Variants in DPYD observed in about 807,000 individuals in gnomAD.
The protein encoded by DPYD is dihydropyrimidine dehydrogenase [NADP(+)].
Under a neutral mutation model 116.2 loss-of-function variants are expected in DPYD, and 109 were observed. The ratio of observed to expected loss-of-function variants is 0.94; its 90% CI spans 0.80 to 1.10. The LOEUF (loss-of-function observed/expected upper bound fraction) is 1.10, where lower values mean the gene tolerates loss of function less well. Ranked by LOEUF, DPYD falls within the 50% of genes least tolerant of loss-of-function variation. The probability of loss-of-function intolerance (pLI) is 0.00; values close to 1 mark genes in which losing one functional copy is unlikely to be tolerated. For missense variants in DPYD, 1,302 were observed against 1,254.5 expected (o/e 1.04, Z -0.57); for synonymous variants, 440 against 432.0 (o/e 1.02, Z -0.23).
rs1470603024 is a variant in DPYD, at chr1:97,318,518, C to A, written c.2059-12221G>T. 2.0e-5 allele frequency among the ~76,000 whole-genome samples: 3 copies of A among 151,912 alleles called. No individual in the cohort carries two copies. The East Asian group carries it at 5.8e-4, about 30-fold the overall frequency. On this transcript the variant is annotated intron_variant, in intron 16 of 22. Coordinates refer to ENST00000370192, the MANE Select transcript of DPYD (RefSeq NM_000110.4). ...CATAATGGTAAAGGGATCAATTCAA[C>A]AAGAGGAGCTAACTATCCTAAATAT...
chr1:97,843,153 G>C (rs1036194519), intron 2 of DPYD, among the ~76,000 whole-genome samples: 5 of 152,024 alleles, frequency 3.3e-5, no homozygotes, highest in Non-Finnish European at 5.9e-5. Context: ...GCCTATCTCA[G>C]AAAACCTACT....
At chr1:97,365,835 T>C (rs980117627) in intron 16 of DPYD, among the ~76,000 whole-genome samples, 26 of 152,148 alleles carry the variant, frequency 1.7e-4, no homozygotes, top group Admixed American at 1.4e-3. Context: ...GGTTTCGCCA[T>C]GTTGCCCAGG....
At chr1:97,101,946 A>T (rs745655078) in intron 20 of DPYD, among the ~76,000 whole-genome samples, 2 of 152,074 alleles carry the variant, frequency 1.3e-5, no homozygotes, top group Non-Finnish European at 2.9e-5. Flanking sequence ...TCATTTAAAG[A>T]TAACAGTATC....
chr1:97,182,668 C>T (rs1374808690), intron 20 of DPYD, among the ~76,000 whole-genome samples: 1 of 152,016 alleles, frequency 6.6e-6, no homozygotes, highest in Non-Finnish European at 1.5e-5. Context: ...AGTACAGGGC[C>T]ATACAATGAA....
intron 8 of DPYD, among the ~76,000 whole-genome samples, chr1:97,606,819 A>G (rs115996553): frequency 0.013 from 1,987 of 152,116 alleles, 22 homozygotes; most frequent in Middle Eastern, 0.024. Context: ...AATCCAGATA[A>G]GAAAGGAAAA....
chr1:97,744,817 C>T (rs1664457867), intron 3 of DPYD, among the ~76,000 whole-genome samples: 1 of 151,874 alleles, frequency 6.6e-6, no homozygotes. Flanking sequence ...CTACTGAAAA[C>T]TGAGCAGAAT....
chr1:97,620,181 C>A (rs1031018295), intron 8 of DPYD, among the ~76,000 whole-genome samples: 1 of 152,116 alleles, frequency 6.6e-6, no homozygotes, highest in Non-Finnish European at 1.5e-5. Flanking sequence ...TTCCCATACC[C>A]ATTTTGAAGG....
At chr1:97,220,197 C>G (rs768881709) in intron 19 of DPYD, among the ~76,000 whole-genome samples, 3 of 152,006 alleles carry the variant, frequency 2.0e-5, no homozygotes, top group Non-Finnish European at 4.4e-5. Context: ...ATTCCATTCA[C>G]AGATTAATGC....
intron 5 of DPYD, among the ~76,000 whole-genome samples, chr1:97,716,078 CA>C (rs1314809662): frequency 6.6e-6 from 1 of 151,924 alleles, no homozygotes; most frequent in African/African-American, 2.4e-5. Flanking sequence ...CGTTTTTAAG[CA>C]AAACATAAAT....
At chr1:97,136,889 G>T (rs1270579373) in intron 20 of DPYD, among the ~76,000 whole-genome samples, 1 of 152,004 alleles carries the variant, frequency 6.6e-6, no homozygotes, top group Admixed American at 6.6e-5. Context: ...AGTCAGCTAG[G>T]TATTTGTCGA....
chr1:97,357,766 C>T (rs551452948), intron 16 of DPYD, among the ~76,000 whole-genome samples: 1 of 152,240 alleles, frequency 6.6e-6, no homozygotes, highest in Non-Finnish European at 1.5e-5. Flanking sequence ...TTAGCTCCTG[C>T]TTATGAGTGA....
intron 14 of DPYD, among the ~76,000 whole-genome samples, chr1:97,413,071 C>T (rs997725920): frequency 1.8e-4 from 28 of 152,140 alleles, no homozygotes; most frequent in African/African-American, 6.8e-4. Flanking sequence ...TTTCAACTAC[C>T]AAGAACAAAG....
At chr1:97,326,155 A>G (rs1420140177) in intron 16 of DPYD, among the ~76,000 whole-genome samples, 1 of 151,978 alleles carries the variant, frequency 6.6e-6, no homozygotes, top group African/African-American at 2.4e-5. Context: ...AAAAGTTTCA[A>G]GATAAGGACA....
intron 8 of DPYD, among the ~76,000 whole-genome samples, chr1:97,671,856 T>C (rs1048265424): frequency 2.0e-5 from 3 of 151,894 alleles, no homozygotes; most frequent in Non-Finnish European, 4.4e-5. Context: ...TTTCATTATA[T>C]ATGAACACAG....
At chr1:97,761,656 A>C (rs1206215992) in intron 3 of DPYD, among the ~76,000 whole-genome samples, 1 of 152,096 alleles carries the variant, frequency 6.6e-6, no homozygotes, top group African/African-American at 2.4e-5. Flanking sequence ...TCAATCAAGC[A>C]ATCTTATTAC....
At chr1:97,670,493 G>C (rs1659803581) in intron 8 of DPYD, among the ~76,000 whole-genome samples, 1 of 152,136 alleles carries the variant, frequency 6.6e-6, no homozygotes, top group South Asian at 2.1e-4. Flanking sequence ...AACACACAGG[G>C]AGAAGGCAGA....
chr1:97,445,413 A>G (rs558106587), intron 14 of DPYD, among the ~76,000 whole-genome samples: 1 of 152,120 alleles, frequency 6.6e-6, no homozygotes, highest in South Asian at 2.1e-4. Context: ...ATGCATTAAG[A>G]CCCCTTCATG....
At chr1:97,793,270 T>C (rs1667404598) in intron 3 of DPYD, among the ~76,000 whole-genome samples, 1 of 152,192 alleles carries the variant, frequency 6.6e-6, no homozygotes, top group African/African-American at 2.4e-5. Flanking sequence ...CTCAATTTTG[T>C]TAAGATGGTG....
intron 12 of DPYD, among the ~76,000 whole-genome samples, chr1:97,519,405 C>G (rs2101986099): frequency 6.6e-6 from 1 of 152,186 alleles, no homozygotes; most frequent in East Asian, 1.9e-4. Context: ...AAGACCTGGC[C>G]CCATGATTCA....
Sources: allele counts gnomAD v4.1 joint callset (sites outside exome capture counted in the v4.1 genomes callset), GRCh38; gene constraint gnomAD v4.1.1; transcripts MANE v1.5; gene names NCBI Gene and HGNC (gene_info 2026-07-23, HGNC 2026-07-21).